PCDHA6: variants seen among roughly 807,000 people sequenced by gnomAD.
PCDHA6 encodes protocadherin alpha 6.
PCDHA6 carries 55 observed loss-of-function variants against 60.3 expected under a neutral mutation model. That is an observed-to-expected ratio of 0.91 (90% CI 0.73 to 1.14). The LOEUF (loss-of-function observed/expected upper bound fraction) is 1.14, where lower values mean the gene tolerates loss of function less well. Ranked by LOEUF, PCDHA6 falls within the 50% of genes most tolerant of loss-of-function variation. PCDHA6 has a pLI of 0.00. For synonymous variants in PCDHA6, 652 were observed against 557.9 expected (o/e 1.17, Z -2.38); for missense variants, 1,327 against 1,256.5 (o/e 1.06, Z -0.85).
At chr5:140,954,832 A>G (rs2095096599) in intron 1 of PCDHA6, among the ~76,000 whole-genome samples, 1 of 152,208 alleles carries the variant, frequency 6.6e-6, no homozygotes, top group Admixed American at 6.5e-5. Flanking sequence ...CACTTTTGTC[A>G]TGAAATCTTT....
rs782441014 is a variant in PCDHA6 at position 140,870,020 on chromosome 5, C to T, written c.2394+39535C>T. On this transcript the variant is annotated intron_variant, in intron 1 of 3. Transcript: ENST00000529310. ...AATGGAGAAGTGAGGGTCAATGGAACTTTAGATTATGAAGAAAACAAGTTT... is the reference window on the plus strand; with the variant it reads ...AATGGAGAAGTGAGGGTCAATGGAATTTTAGATTATGAAGAAAACAAGTTT... The T allele has an allele frequency of 1.9e-6, 3 of 1,613,394 alleles. No individual in the cohort carries two copies. The highest frequency in any genetic ancestry group is 2.7e-5 in the African/African-American group (2 of 74,862).
At chr5:140,855,863 C>A in intron 1 of PCDHA6, 2 of 763,578 alleles carry the variant, frequency 2.6e-6, no homozygotes, top group Non-Finnish European at 4.1e-6. Flanking sequence ...ATGTCGCTGT[C>A]GTCCACAAAA....
chr5:141,006,048 G>T (rs1158028347), intron 3 of PCDHA6, among the ~76,000 whole-genome samples: 1 of 150,984 alleles, frequency 6.6e-6, no homozygotes, highest in Non-Finnish European at 1.5e-5. Context: ...TTGTAGATGA[G>T]AGTGGAGAAG....
intron 1 of PCDHA6, among the ~76,000 whole-genome samples, chr5:140,871,921 A>G (rs1267841761): frequency 6.6e-6 from 1 of 152,296 alleles, no homozygotes; most frequent in African/African-American, 2.4e-5. Flanking sequence ...ATATTTCCAC[A>G]TTGTTAGATC....
In PCDHA6 at chr5:140,838,362, G is replaced by A. The variant is rs145931945; in HGVS notation, c.2394+7877G>A. Among the ~76,000 whole-genome samples, 553 of 150,200 alleles carry A rather than the reference G, an allele frequency of 3.7e-3. 7 individuals carry two copies. Among genetic ancestry groups the A allele is most frequent in the African/African-American group, 0.013 (527 of 40,560 alleles). ...TGGTCTCGAAATCTGGGACTCAAGT[G>A]ATCTGACTGCCTCAGCCTCCCAATG... is the stretch of plus-strand genomic sequence containing the variant. On this transcript the variant is annotated intron_variant, in intron 1 of 3. Coordinates refer to ENST00000529310, the MANE Select transcript of PCDHA6 (RefSeq NM_018909.4).
intron 1 of PCDHA6, chr5:140,850,352 C>A: frequency 6.3e-7 from 1 of 1,597,824 alleles, no homozygotes; most frequent in Non-Finnish European, 8.6e-7. Context: ...CCAGCGCGAG[C>A]ATCCCGTTCC....
intron 1 of PCDHA6, chr5:140,862,883 G>T: frequency 1.8e-6 from 1 of 566,460 alleles, no homozygotes. Flanking sequence ...ATTAGTGCTG[G>T]AACGACAACT....
chr5:140,850,208 G>A lies in PCDHA6; in HGVS notation c.2394+19723G>A, dbSNP rs2150473240. On this transcript the variant is annotated intron_variant, in intron 1 of 3. Transcript: ENST00000529310. Reference sequence around the variant, plus strand: ...CGGCGCTGCTGACACCTCGGATGAGGGGCACTGACGGCGCAGTGAGCGAGA... The same window carrying A: ...CGGCGCTGCTGACACCTCGGATGAGAGGCACTGACGGCGCAGTGAGCGAGA... 6.3e-6 allele frequency: 10 copies of A among 1,593,574 alleles called. 2 individuals carry two copies. The highest frequency in any genetic ancestry group is 6.9e-6 in the Non-Finnish European group (8 of 1,167,640).
rs1351509805 is a variant in PCDHA6, at chr5:140,928,584, TG to T, written c.2395-50364del. The T allele has an allele frequency of 8.7e-6, 14 of 1,614,150 alleles. No homozygotes were observed. In the African/African-American group the frequency reaches 1.9e-4, roughly 22 times the overall value. On this transcript the variant is annotated intron_variant, in intron 1 of 3. Coordinates refer to ENST00000529310, the MANE Select transcript of PCDHA6 (RefSeq NM_018909.4). ...TGTTTCCCTTGCCCAGAAATGGTTCTGTCCCAGTGGAAATTGTGCCCCGCTC... is the reference window on the plus strand; with the variant it reads ...TGTTTCCCTTGCCCAGAAATGGTTCTTCCCAGTGGAAATTGTGCCCCGCTC...
rs1554140287 is a variant in PCDHA6 at position 140,843,629 on chromosome 5, A to T, written c.2394+13144A>T. ...TGAGGGGCCACCGAAGACGGACCTC[A>T]TGGCCTTCAGCCCCTGCCTTCCTCC... is the stretch of plus-strand genomic sequence containing the variant. On this transcript the variant is annotated intron_variant, in intron 1 of 3. Transcript: ENST00000529310. 3.1e-6 allele frequency: 5 copies of T among 1,595,972 alleles called. No homozygotes were observed. The East Asian group carries it at 8.9e-5, about 28-fold the overall frequency.
rs1241604273 is a variant in PCDHA6, at chr5:140,841,714, A to G, written c.2394+11229A>G. ...TGAAGGATGTTAATGACAACCCGCC[A>G]GTGTTCCGGGTAAAAGACCAAAAGC... On this transcript the variant is annotated intron_variant, in intron 1 of 3. Coordinates refer to ENST00000529310, the MANE Select transcript of PCDHA6 (RefSeq NM_018909.4). The G allele has an allele frequency of 2.5e-6, 4 of 1,613,762 alleles. No individual in the cohort carries two copies. In the African/African-American group the frequency reaches 4.0e-5, roughly 16 times the overall value.
intron 1 of PCDHA6, among the ~76,000 whole-genome samples, chr5:140,897,922 C>T (rs1476419563): frequency 3.3e-5 from 5 of 152,164 alleles, no homozygotes; most frequent in Non-Finnish European, 5.9e-5. Context: ...TTTTGATTTG[C>T]GTTTCTCTGA....
At chr5:140,842,235 G>T (rs201880118) in intron 1 of PCDHA6, 1 of 1,612,410 alleles carries the variant, frequency 6.2e-7, no homozygotes, top group Non-Finnish European at 8.5e-7. Context: ...ATAGTGATTC[G>T]GGGTAATTTG....
At chr5:140,837,960 C>T (rs1483663172) in intron 1 of PCDHA6, among the ~76,000 whole-genome samples, 2 of 151,794 alleles carry the variant, frequency 1.3e-5, no homozygotes, top group African/African-American at 2.4e-5. Context: ...ATTACAGACA[C>T]GAACAACCAC....
At chr5:140,921,998 A>G (rs1247902071) in intron 1 of PCDHA6, among the ~76,000 whole-genome samples, 3 of 152,206 alleles carry the variant, frequency 2.0e-5, no homozygotes, top group African/African-American at 7.2e-5. Flanking sequence ...AGTTCAATGA[A>G]ATGATTAGTT....
chr5:140,917,324 C>CGGGGGGGGGGGG (rs1299895515), intron 1 of PCDHA6, among the ~76,000 whole-genome samples: 1 of 76,120 alleles, frequency 1.3e-5, no homozygotes, highest in African/African-American at 4.3e-5. Context: ...GTTCATGTGG[C>CGGGGGGGGGGGG]GGGGGAGGGG....
At chr5:141,004,179 G>A (rs2098156608) in intron 3 of PCDHA6, among the ~76,000 whole-genome samples, 1 of 152,206 alleles carries the variant, frequency 6.6e-6, no homozygotes, top group Non-Finnish European at 1.5e-5. Flanking sequence ...CAAGTGTCTT[G>A]AGTGCTCTTA....
At chr5:140,837,745 T>C (rs1305157984) in intron 1 of PCDHA6, among the ~76,000 whole-genome samples, 1 of 151,794 alleles carries the variant, frequency 6.6e-6, no homozygotes, top group East Asian at 1.9e-4. Context: ...GGTGGGATTA[T>C]AGCCCACTGC....
chr5:140,868,063 C>T (rs1554161737), intron 1 of PCDHA6: 1 of 151,920 alleles, frequency 6.6e-6, no homozygotes, highest in African/African-American at 2.4e-5. Context: ...CAAAGATGTT[C>T]AGGGTGATTT....
Sources: allele counts gnomAD v4.1 joint callset (sites outside exome capture counted in the v4.1 genomes callset), GRCh38; gene constraint gnomAD v4.1.1; transcripts MANE v1.5; gene names NCBI Gene and HGNC (gene_info 2026-07-23, HGNC 2026-07-21).